Variants in PRDM2 observed in about 807,000 individuals in gnomAD.
PRDM2 encodes the protein PR/SET domain 2, also known as PR domain zinc finger protein 2.
A neutral mutation model predicts 130.0 loss-of-function variants in PRDM2; 30 were observed. The ratio of observed to expected loss-of-function variants is 0.23; its 90% CI spans 0.17 to 0.31. The LOEUF (loss-of-function observed/expected upper bound fraction) is 0.31. Among genes scored for constraint, PRDM2 ranks in the 10% least tolerant of loss-of-function variants. PRDM2 has a pLI of 1.00. For synonymous variants in PRDM2, 871 were observed against 782.4 expected, an observed-to-expected ratio of 1.11 and a Z score of -1.89; for missense variants, 2,011 against 2,108.4, an observed-to-expected ratio of 0.95 and a Z score of 0.90.
At chr1:13,819,414 T>G (rs972015090) in intron 9 of PRDM2, among the ~76,000 whole-genome samples, 2 of 152,238 alleles carry the variant, frequency 1.3e-5, no homozygotes, top group African/African-American at 2.4e-5. Context: ...CCTCTGCATC[T>G]TGTGATCTCT....
intron 3 of PRDM2, among the ~76,000 whole-genome samples, chr1:13,731,486 C>T (rs1284339702): frequency 1.3e-5 from 2 of 152,170 alleles, no homozygotes; most frequent in African/African-American, 2.4e-5. Context: ...ATATTCACTT[C>T]ATTGTTTTGT....
chr1:13,733,828 GT>G (rs1319487033), intron 4 of PRDM2, among the ~76,000 whole-genome samples: 2 of 152,166 alleles, frequency 1.3e-5, no homozygotes, highest in African/African-American at 4.8e-5. Context: ...AACAAGTTAA[GT>G]TTTTGGATGA....
At position 13,778,735 on chromosome 1, in the gene PRDM2, G is replaced by A; in HGVS notation, c.940G>A (p.Glu314Lys). The A allele has an allele frequency of 6.2e-7, 1 of 1,614,178 alleles. No homozygotes were observed. Among genetic ancestry groups the A allele is most frequent in the Non-Finnish European group, 8.5e-7 (1 of 1,180,038 alleles). ...SVKEPEIRCD[E>K]KPEDLLEEPK... Reference sequence around the variant, plus strand: ...GAAAGAGCCAGAAATACGGTGTGATGAGAAGCCAGAAGATTTATTAGAGGA... The same window carrying A: ...GAAAGAGCCAGAAATACGGTGTGATAAGAAGCCAGAAGATTTATTAGAGGA... Residue 314 changes from glutamate (E) to lysine (K), a missense_variant, in exon 8 of 10, where the codon GAG becomes AAG. Coordinates refer to ENST00000311066, the MANE Select transcript of PRDM2 (RefSeq NM_001393986.1).
At chr1:13,714,681 C>T (rs191619482) in intron 1 of PRDM2, among the ~76,000 whole-genome samples, 70 of 152,206 alleles carry the variant, frequency 4.6e-4, no homozygotes, top group African/African-American at 1.6e-3. Context: ...ACAATGTAAG[C>T]AGAGGCTTGT....
At chr1:13,715,663 AC>A in intron 2 of PRDM2, 49 bp downstream of exon 2, 1 of 1,506,052 alleles carries the variant, frequency 6.6e-7, no homozygotes, top group Non-Finnish European at 9.0e-7. Context: ...TAGATGTTAG[AC>A]CAGCTCTTGA....
intron 8 of PRDM2, chr1:13,787,315 A>G: frequency 1.3e-5 from 13 of 985,092 alleles, no homozygotes; most frequent in Non-Finnish European, 1.6e-5. Context: ...ATGAATTTGC[A>G]TACCAGGTTT....
chr1:13,728,254 A>T (rs1462898151), intron 2 of PRDM2, among the ~76,000 whole-genome samples: 1 of 152,250 alleles, frequency 6.6e-6, no homozygotes, highest in Admixed American at 6.5e-5. Context: ...ACACTGAATA[A>T]GATAGACACC....
intron 5 of PRDM2, among the ~76,000 whole-genome samples, chr1:13,745,644 G>A (rs1158947788): frequency 2.0e-5 from 3 of 152,080 alleles, no homozygotes; most frequent in African/African-American, 2.4e-5. Flanking sequence ...AGGTGGTCTC[G>A]AACTCCTGAC....
At chr1:13,786,151 T>C (rs566870727) in intron 8 of PRDM2, among the ~76,000 whole-genome samples, 2 of 152,278 alleles carry the variant, frequency 1.3e-5, no homozygotes, top group South Asian at 4.1e-4. Flanking sequence ...TTGGGTTCTT[T>C]AATGCTTCTT....
intron 3 of PRDM2, 68 bp from the exon 4 acceptor site, chr1:13,732,711 C>A: frequency 2.6e-6 from 3 of 1,141,576 alleles, no homozygotes; most frequent in South Asian, 3.0e-5. Flanking sequence ...GAAACTTAAG[C>A]GATTTTAATG....
chr1:13,787,957 T>TG, intron 8 of PRDM2: 45 of 985,372 alleles, frequency 4.6e-5, no homozygotes, highest in Non-Finnish European at 5.3e-5. Flanking sequence ...TTGAAATCAT[T>TG]GGGGCTTGTC....
chr1:13,782,875 A>G lies in PRDM2; in HGVS notation c.5036+44A>G, dbSNP rs962270559. 5 of 1,601,110 alleles carry G rather than the reference A, an allele frequency of 3.1e-6. No individual in the cohort carries two copies. In the African/African-American group the frequency reaches 5.4e-5, roughly 17 times the overall value. ...GGGAGGGAAAGACCGGGAAGGCGAC[A>G]GTATCCTTGCCTACGGGTGTTTTTT... On this transcript the variant is annotated intron_variant, in intron 8 of 9. Coordinates refer to ENST00000311066, the MANE Select transcript of PRDM2 (RefSeq NM_001393986.1).
Position 13,779,770 on chromosome 1 carries a change from A to G in PRDM2, c.1975A>G (p.Met659Val), listed in dbSNP as rs1025915665. 7 of 1,614,078 alleles carry G rather than the reference A, an allele frequency of 4.3e-6. No individual in the cohort carries two copies. The African/African-American group carries it at 5.3e-5, about 12-fold the overall frequency. The change falls in exon 8 of 10, where the codon ATG (methionine) becomes GTG (valine). Residue 659 changes from methionine (M) to valine (V), a missense_variant. Met to Val is a conservative substitution (Grantham distance 21, BLOSUM62 1). This residue lies in a region of PRDM2 where 1,288 missense variants were observed against 1,237.7 expected (regional missense o/e 1.04). Coordinates refer to ENST00000311066, the MANE Select transcript of PRDM2 (RefSeq NM_001393986.1). This position sits in a 1 kb window ranked among gnomAD's most constrained non-coding sequence, Gnocchi z 4.9. ...TAAGGCCGAAACAGACTCTGACCCC[A>G]TGGTCCCCTCTTGCTCTTTAAGTCT... ...KIKAETDSDP[M>V]VPSCSLSLPL...
At chr1:13,805,302 T>A (rs764047007) in intron 8 of PRDM2, among the ~76,000 whole-genome samples, 7 of 152,206 alleles carry the variant, frequency 4.6e-5, no homozygotes, top group Admixed American at 4.6e-4. Flanking sequence ...AGCAAGTCCG[T>A]AATGGAGCTA....
intron 2 of PRDM2, among the ~76,000 whole-genome samples, 170 bp downstream of exon 2, chr1:13,715,784 G>A (rs1642513934): frequency 1.3e-5 from 2 of 152,162 alleles, no homozygotes; most frequent in South Asian, 4.1e-4. Flanking sequence ...TTCGTGCAGT[G>A]GAATGTGCAT....
chr1:13,784,512 T>C (rs1359480240), intron 8 of PRDM2, among the ~76,000 whole-genome samples: 4 of 152,208 alleles, frequency 2.6e-5, no homozygotes, highest in African/African-American at 9.6e-5. Flanking sequence ...AAGGTTAAAG[T>C]TGATTTGGAA....
intron 8 of PRDM2, among the ~76,000 whole-genome samples, chr1:13,801,114 G>C (rs989529804): frequency 6.6e-6 from 1 of 152,208 alleles, no homozygotes; most frequent in Non-Finnish European, 1.5e-5. Flanking sequence ...GGAGGCCGTG[G>C]TGGGGAGGGC....
chr1:13,751,821 TG>T (rs1643852334), intron 6 of PRDM2, among the ~76,000 whole-genome samples: 1 of 152,232 alleles, frequency 6.6e-6, no homozygotes. Context: ...TACTTACAGC[TG>T]TGCATTGCAT....
intron 9 of PRDM2, among the ~76,000 whole-genome samples, chr1:13,817,032 C>T (rs1041239794): frequency 3.3e-5 from 5 of 152,138 alleles, no homozygotes; most frequent in African/African-American, 4.8e-5. Flanking sequence ...AAAAGATGAC[C>T]GAGTTCCTAT....
Sources: gnomAD v4.1 joint callset for allele counts (sites outside exome capture counted in the v4.1 genomes callset) on GRCh38, gnomAD v4.1.1 for gene constraint, gnomAD v4.1.1 regional missense constraint, Gnocchi (gnomAD v3.1) non-coding constraint, MANE v1.5 for transcripts, NCBI Gene and HGNC (gene_info 2026-07-23, HGNC 2026-07-21) for gene names.